ZNF112: variants seen among roughly 807,000 people sequenced by gnomAD.
ZNF112 encodes the protein zinc finger protein 112.
In ZNF112, 37 loss-of-function variants were observed where a neutral mutation model predicts 77.7. The ratio of observed to expected loss-of-function variants is 0.48; its 90% CI spans 0.37 to 0.63. The LOEUF is 0.63. ZNF112 is among the 20% of genes least tolerant of loss of function. ZNF112 has a pLI of 0.00. For synonymous variants in ZNF112, 333 were observed against 363.6 expected, an observed-to-expected ratio of 0.92 and a Z score of 0.96; for missense variants, 950 against 1,077.4, an observed-to-expected ratio of 0.88 and a Z score of 1.66.
intron 1 of ZNF112, among the ~76,000 whole-genome samples, 198 bp downstream of exon 1, chr19:44,356,428 C>G (rs1372818173): frequency 6.6e-6 from 1 of 152,140 alleles, no homozygotes; most frequent in Admixed American, 6.5e-5. Flanking sequence ...GATGTAGGAT[C>G]TTGGACCCCC....
intron 1 of ZNF112, among the ~76,000 whole-genome samples, chr19:44,347,484 G>GTTTT (rs1659708770): frequency 8.6e-5 from 3 of 34,720 alleles, no homozygotes; most frequent in African/African-American, 2.1e-4. Flanking sequence ...CTTTTGGGTT[G>GTTTT]ATTTTTTTTT....
intron 1 of ZNF112, among the ~76,000 whole-genome samples, chr19:44,351,311 T>C (rs1443877153): frequency 6.6e-6 from 1 of 152,118 alleles, no homozygotes; most frequent in Non-Finnish European, 1.5e-5. Context: ...TGAAGTAACA[T>C]TCATAAGCTC....
At chr19:44,354,705 G>A (rs1198313971) in intron 1 of ZNF112, among the ~76,000 whole-genome samples, 1 of 152,094 alleles carries the variant, frequency 6.6e-6, no homozygotes, top group African/African-American at 2.4e-5. Context: ...ACGATGTGCT[G>A]GGCACATGGA....
At chr19:44,331,602 T>A (rs1970271385) in intron 3 of ZNF112, among the ~76,000 whole-genome samples, 1 of 152,212 alleles carries the variant, frequency 6.6e-6, no homozygotes, top group South Asian at 2.1e-4. Context: ...AATATTACCC[T>A]CAAACATAAT....
At chr19:44,356,268 G>T (rs1970784326) in intron 1 of ZNF112, among the ~76,000 whole-genome samples, 1 of 152,158 alleles carries the variant, frequency 6.6e-6, no homozygotes, top group Non-Finnish European at 1.5e-5. Context: ...CCATTAGATA[G>T]ATACTAGTAC....
intron 1 of ZNF112, among the ~76,000 whole-genome samples, chr19:44,348,578 A>G (rs1376932555): frequency 1.3e-5 from 2 of 152,166 alleles, no homozygotes; most frequent in African/African-American, 4.8e-5. Flanking sequence ...TAACAGATTT[A>G]AAGTAGAAAT....
upstream of ZNF112, among the ~76,000 whole-genome samples, chr19:44,361,176 G>C (rs1264977120): frequency 6.6e-6 from 1 of 152,116 alleles, no homozygotes; most frequent in African/African-American, 2.4e-5. Flanking sequence ...CACTTAAATA[G>C]TAAAAATATG....
chr19:44,350,319 A>G (rs935925848), intron 1 of ZNF112, among the ~76,000 whole-genome samples: 16 of 152,174 alleles, frequency 1.1e-4, no homozygotes, highest in African/African-American at 3.6e-4. Context: ...GAATTTCATG[A>G]GAAACAGAAA....
At chr19:44,340,652 A>G (rs1970473275) in intron 1 of ZNF112, 110 bp from the exon 2 acceptor site, 3 of 1,490,436 alleles carry the variant, frequency 2.0e-6, no homozygotes, top group African/African-American at 1.4e-5. Context: ...TCACATTTAC[A>G]TAGTTCTCTT....
Position 44,327,038 on chromosome 19 carries a change from C to A in ZNF112, c.*395G>T. 1 of 159,238 alleles carries A rather than the reference C, an allele frequency of 6.3e-6. No homozygotes were observed. Among genetic ancestry groups the A allele is most frequent in the Non-Finnish European group, 1.4e-5 (1 of 72,894 alleles). 9.9% of individuals were successfully genotyped at this position (159,238 alleles called of 1,614,324 possible). A position where few individuals can be genotyped will look rare whatever the true frequency, so the allele number is the denominator to read the frequency against. ...CGCTTAAAAATTTCAAACCTTTTAC[C>A]TTTACATACTTTTAGTTATTTAGCA... On this transcript the variant is annotated 3_prime_UTR_variant, in exon 4 of 4. Coordinates refer to ENST00000354340, the MANE Select transcript of ZNF112 (RefSeq NM_013380.4).
At chr19:44,343,262 T>G in intron 1 of ZNF112, 1 of 1,613,634 alleles carries the variant, frequency 6.2e-7, no homozygotes, top group Non-Finnish European at 8.5e-7. Flanking sequence ...ACCTGGAATT[T>G]GGTCATTTTT....
chr19:44,348,335 T>C (rs188032967), intron 1 of ZNF112, among the ~76,000 whole-genome samples: 35 of 152,222 alleles, frequency 2.3e-4, no homozygotes, highest in Non-Finnish European at 4.0e-4. Flanking sequence ...ACTTCTGATA[T>C]TGTCCCACAG....
At chr19:44,339,948 T>C (rs1428136095) in intron 2 of ZNF112, among the ~76,000 whole-genome samples, 2 of 152,108 alleles carry the variant, frequency 1.3e-5, no homozygotes, top group Admixed American at 1.3e-4. Context: ...TAAGTATGTA[T>C]GGAGAGGGAA....
chr19:44,353,326 G>T (rs575794623), intron 1 of ZNF112, among the ~76,000 whole-genome samples: 2 of 152,142 alleles, frequency 1.3e-5, no homozygotes, highest in African/African-American at 4.8e-5. Context: ...TTCACGACCT[G>T]GGGCTAGGCA....
At chr19:44,334,017 G>A (rs977106341) in intron 3 of ZNF112, among the ~76,000 whole-genome samples, 1 of 152,184 alleles carries the variant, frequency 6.6e-6, no homozygotes, top group African/African-American at 2.4e-5. Context: ...AACAAAATAC[G>A]GATAGTGATA....
rs369065762 is a variant in ZNF112, at chr19:44,329,468, C to A, written c.689G>T (p.Cys230Phe). Residue 230 changes from cysteine (C) to phenylalanine (F), a missense_variant, in exon 4 of 4, where the codon TGT becomes TTT. Around this residue, in one of 3 missense-constraint regions of ZNF112, gnomAD observed 560 missense variants for 557.3 expected, o/e 1.00. Coordinates refer to ENST00000354340, the MANE Select transcript of ZNF112 (RefSeq NM_013380.4). ...TGATACCTTCATGATATCTTCTCCA[C>A]AGTCATGGCAGCTGTAGTTTTCTTT... ...HRKENYSCHD[C>F]GEDIMKVSLL... The A allele has an allele frequency of 1.4e-5, 23 of 1,613,968 alleles. No individual in the cohort carries two copies. In the African/African-American group the frequency reaches 3.1e-4, roughly 22 times the overall value.
rs1343835576 is a variant in ZNF112, at chr19:44,329,643, T to C, written c.514A>G (p.Arg172Gly). 6.2e-7 allele frequency: 1 copy of C among 1,614,138 alleles called. No individual in the cohort carries two copies. The highest frequency in any genetic ancestry group is 8.5e-7 in the Non-Finnish European group (1 of 1,179,998). ...ATTTTCCTCCAAGAATGATGTGCCC[T>C]CCAAGATGGATACCCTTGACTTTTT... ...YIKSQGYPSW[R>G]AHHSWRKMYL... Residue 172 changes from arginine (R) to glycine (G), a missense_variant, in exon 4 of 4, where the codon AGG becomes GGG. Physicochemically the swap from Arg to Gly is moderately radical, Grantham distance 125. Around this residue, in one of 3 missense-constraint regions of ZNF112, gnomAD observed 560 missense variants for 557.3 expected, o/e 1.00. Coordinates refer to ENST00000354340, the MANE Select transcript of ZNF112 (RefSeq NM_013380.4).
chr19:44,339,002 A>C (rs922803620), intron 2 of ZNF112, among the ~76,000 whole-genome samples: 1 of 152,214 alleles, frequency 6.6e-6, no homozygotes, highest in Non-Finnish European at 1.5e-5. Context: ...CAGAGGATTC[A>C]GTGAGCTGAG....
At chr19:44,346,208 G>C (rs1412008381) in intron 1 of ZNF112, among the ~76,000 whole-genome samples, 1 of 152,180 alleles carries the variant, frequency 6.6e-6, no homozygotes, top group African/African-American at 2.4e-5. Context: ...AAGCTGCCAA[G>C]CTTCAATCCT....
Sources: gnomAD v4.1 joint callset for allele counts (sites outside exome capture counted in the v4.1 genomes callset) on GRCh38, gnomAD v4.1.1 for gene constraint, gnomAD v4.1.1 regional missense constraint, MANE v1.5 for transcripts, NCBI Gene and HGNC (gene_info 2026-07-23, HGNC 2026-07-21) for gene names.